ZFR: variants seen among roughly 807,000 people sequenced by gnomAD.
ZFR encodes the protein zinc finger RNA binding protein, also known as zinc finger RNA-binding protein.
ZFR carries 19 observed loss-of-function variants against 130.7 expected under a neutral mutation model. The observed-to-expected ratio is 0.15, with a 90% CI of 0.10 to 0.21. ZFR has a LOEUF of 0.21. ZFR is among the 10% of genes least tolerant of loss of function. The probability of loss-of-function intolerance (pLI) is 1.00; values close to 1 mark genes in which losing one functional copy is unlikely to be tolerated. For synonymous variants in ZFR, 466 were observed against 456.9 expected, an observed-to-expected ratio of 1.02 and a Z score of -0.25; for missense variants, 872 against 1,321.5, an observed-to-expected ratio of 0.66 and a Z score of 5.27.
At chr5:32,356,923 C>T (rs899580619) in intron 19 of ZFR, among the ~76,000 whole-genome samples, 1 of 152,156 alleles carries the variant, frequency 6.6e-6, no homozygotes, top group South Asian at 2.1e-4. Context: ...AGTCTGCTTC[C>T]CCCTTCTGGA....
intron 9 of ZFR, among the ~76,000 whole-genome samples, chr5:32,397,842 CT>C (rs1561889927): frequency 8.8e-6 from 1 of 114,000 alleles, no homozygotes; most frequent in African/African-American, 3.3e-5. Flanking sequence ...TGTGTTTGCT[CT>C]TGTATCTTTT....
chr5:32,374,747 T>C (rs1466063167), intron 17 of ZFR, among the ~76,000 whole-genome samples: 2 of 151,850 alleles, frequency 1.3e-5, no homozygotes, highest in African/African-American at 2.4e-5. Context: ...TAAAATAGCA[T>C]AACTCTATTG....
chr5:32,397,970 G>C (rs1176227184), intron 9 of ZFR, among the ~76,000 whole-genome samples: 1 of 138,412 alleles, frequency 7.2e-6, no homozygotes, highest in Non-Finnish European at 1.5e-5. Context: ...CCATTCTCCT[G>C]CCTCAGCCTT....
At chr5:32,363,897 A>C (rs1326278803) in intron 19 of ZFR, 51 bp downstream of exon 19, 1 of 1,463,610 alleles carries the variant, frequency 6.8e-7, no homozygotes, top group Non-Finnish European at 9.4e-7. Flanking sequence ...CAGAAAAATA[A>C]AACCTTAATG....
intron 15 of ZFR, 52 bp downstream of exon 15, chr5:32,385,456 A>G (rs1259971831): frequency 6.3e-7 from 1 of 1,597,968 alleles, no homozygotes; most frequent in Non-Finnish European, 8.5e-7. Flanking sequence ...TAAAGAGTAG[A>G]TAAATGAAAA....
chr5:32,421,404 C>G, intron 2 of ZFR, among the ~76,000 whole-genome samples: 1 of 152,054 alleles, frequency 6.6e-6, no homozygotes, highest in East Asian at 1.9e-4. Flanking sequence ...TGCATAGTAA[C>G]ATAGAAATAT....
chr5:32,366,726 A>T (rs11952984), intron 17 of ZFR, among the ~76,000 whole-genome samples: 44,716 of 152,026 alleles, frequency 0.29, 7,278 homozygotes, highest in Middle Eastern at 0.44. Context: ...TAAGGATTAC[A>T]ACACTTCAGG....
Position 32,399,041 on chromosome 5 carries a change from C to T in ZFR, c.1713+966G>A, listed in dbSNP as rs1017950135. On this transcript the variant is annotated intron_variant, in intron 9 of 19. Transcript: ENST00000265069. ...CTGTAATCACAGCACTTTGGAAGGC[C>T]GAGGCAGGCAGATCATGAGGTCAGG... Among the ~76,000 whole-genome samples, 7 of 152,006 alleles carry T rather than the reference C, an allele frequency of 4.6e-5. No homozygotes were observed. The South Asian group carries it at 6.3e-4, about 14-fold the overall frequency.
intron 9 of ZFR, among the ~76,000 whole-genome samples, chr5:32,398,667 C>T (rs1260332379): frequency 6.6e-6 from 1 of 152,122 alleles, no homozygotes; most frequent in Non-Finnish European, 1.5e-5. Context: ...GAATTCAATA[C>T]ACAATTTTTC....
intron 2 of ZFR, among the ~76,000 whole-genome samples, chr5:32,424,532 CA>C (rs575935210): frequency 2.3e-3 from 141 of 62,656 alleles, no homozygotes; most frequent in Admixed American, 2.7e-3. Flanking sequence ...GACTCCGTCT[CA>C]AAAAAAAAAA....
At chr5:32,357,755 T>C (rs2111643040) in intron 19 of ZFR, among the ~76,000 whole-genome samples, 1 of 152,370 alleles carries the variant, frequency 6.6e-6, no homozygotes, top group South Asian at 2.1e-4. Context: ...TATGTGTGGC[T>C]CCTTAAGTCA....
At chr5:32,414,404 A>G (rs1484843142) in intron 5 of ZFR, among the ~76,000 whole-genome samples, 1 of 152,236 alleles carries the variant, frequency 6.6e-6, no homozygotes, top group Admixed American at 6.5e-5. Context: ...AGCAGTGGAC[A>G]CAAAAAGGTT....
In ZFR at chr5:32,403,279, C is replaced by T. The variant is rs748963779; in HGVS notation, c.1343G>A (p.Ser448Asn). Reference protein sequence around the residue: ...SASKPTASPSSIAANNCTVNT... With the variant: ...SASKPTASPSNIAANNCTVNT... ...CACAGTACAATTGTTTGCTGCAATG[C>T]TTGAAGGAGAGGCAGTCGGCTTTGA... The change falls in exon 8 of 20, where the codon AGC (serine) becomes AAC (asparagine). Residue 448 changes from serine (S) to asparagine (N), a missense_variant. Around this residue, in one of 7 missense-constraint regions of ZFR, gnomAD observed 143 missense variants for 137.9 expected, o/e 1.04. Coordinates refer to ENST00000265069, the MANE Select transcript of ZFR (RefSeq NM_016107.5). The T allele has an allele frequency of 1.2e-6, 2 of 1,614,172 alleles. No individual in the cohort carries two copies. The highest frequency in any genetic ancestry group is 1.7e-6 in the Non-Finnish European group (2 of 1,180,022).
At chr5:32,432,768 AC>A (rs1269667762) in intron 2 of ZFR, among the ~76,000 whole-genome samples, 9 of 151,956 alleles carry the variant, frequency 5.9e-5, no homozygotes, top group African/African-American at 1.9e-4. Flanking sequence ...TCACTCTGTC[AC>A]CCAGGAAGGA....
chr5:32,355,993 T>C (rs548313164), intron 19 of ZFR, 54 bp from the exon 20 acceptor site: 4 of 1,407,120 alleles, frequency 2.8e-6, no homozygotes, highest in Admixed American at 2.4e-5. Flanking sequence ...CAAGTAGTAA[T>C]ACTTACTACA....
intron 2 of ZFR, among the ~76,000 whole-genome samples, chr5:32,429,111 G>A (rs988245317): frequency 1.9e-4 from 29 of 150,074 alleles, no homozygotes; most frequent in African/African-American, 6.1e-4. Context: ...TCAGCCTCCC[G>A]AGTAGCTGGG....
At chr5:32,426,010 T>C (rs1754064994) in intron 2 of ZFR, among the ~76,000 whole-genome samples, 1 of 152,206 alleles carries the variant, frequency 6.6e-6, no homozygotes, top group South Asian at 2.1e-4. Flanking sequence ...CTATTTATTA[T>C]CCCTTTATGC....
intron 10 of ZFR, among the ~76,000 whole-genome samples, chr5:32,396,292 C>T (rs1010050230): frequency 1.8e-4 from 27 of 151,746 alleles, no homozygotes; most frequent in African/African-American, 6.3e-4. Flanking sequence ...TCAACTGTAA[C>T]TGTTTATAAA....
chr5:32,403,926 G>A lies in ZFR; in HGVS notation c.1204C>T (p.Arg402Cys), dbSNP rs1268439415. The change falls in exon 7 of 20, where the codon CGT becomes TGT. Residue 402 changes from arginine (R) to cysteine (C), a missense_variant. Around this residue, in one of 7 missense-constraint regions of ZFR, gnomAD observed 21 missense variants for 54.4 expected, o/e 0.39. Coordinates refer to ENST00000265069, the MANE Select transcript of ZFR (RefSeq NM_016107.5). ...CCTACTTTCTGATGCTTAGCACCACGAATGTGGGCAGCATACGCATCTGCT... is the reference window on the plus strand; with the variant it reads ...CCTACTTTCTGATGCTTAGCACCACAAATGTGGGCAGCATACGCATCTGCT... Reference protein sequence around the residue: ...TGADAYAAHIRGAKHQKVVKL... With the variant: ...TGADAYAAHICGAKHQKVVKL... The A allele has an allele frequency of 5.0e-6, 8 of 1,589,264 alleles. No individual in the cohort carries two copies. The highest frequency in any genetic ancestry group is 6.9e-6 in the Non-Finnish European group (8 of 1,167,368).
Sources: gnomAD v4.1 joint callset for allele counts (sites outside exome capture counted in the v4.1 genomes callset) on GRCh38, gnomAD v4.1.1 for gene constraint, gnomAD v4.1.1 regional missense constraint, MANE v1.5 for transcripts, NCBI Gene and HGNC (gene_info 2026-07-23, HGNC 2026-07-21) for gene names.